Variants in JARID2 observed in about 807,000 individuals in gnomAD.
JARID2 encodes the protein protein Jumonji.
A neutral mutation model predicts 125.6 loss-of-function variants in JARID2; 21 were observed. The ratio of observed to expected loss-of-function variants is 0.17; its 90% CI spans 0.12 to 0.24. The LOEUF is 0.24. JARID2 is among the 10% of genes least tolerant of loss of function. The pLI is 1.00. For synonymous variants in JARID2, 736 were observed against 661.6 expected (o/e 1.11, Z -1.73); for missense variants, 1,303 against 1,639.6 (o/e 0.79, Z 3.55).
chr6:15,324,650 T>TG (rs920648225), intron 1 of JARID2, among the ~76,000 whole-genome samples: 1 of 149,080 alleles, frequency 6.7e-6, no homozygotes, highest in African/African-American at 2.5e-5. Flanking sequence ...CTGATTTTTG[T>TG]GTTTTTTTTT....
In JARID2 at chr6:15,496,660, G is replaced by C; in HGVS notation, c.1435G>C (p.Gly479Arg). The change falls in exon 7 of 18, where the codon GGT becomes CGT. Residue 479 changes from glycine (G) to arginine (R), a missense_variant. This residue lies in a region of JARID2 where 651 missense variants were observed against 581.6 expected (regional missense o/e 1.12). Transcript: ENST00000341776. ...GPGKKAPAER[G>R]LLNGHVKKEV... ...TGGCAAGAAGGCCCCGGCCGAGAGA[G>C]GTCTGCTGAACGGACACGTGAAGAA... 6.2e-7 allele frequency: 1 copy of C among 1,612,656 alleles called. No individual in the cohort carries two copies. The highest frequency in any genetic ancestry group is 1.1e-5 in the South Asian group (1 of 91,068).
At chr6:15,309,753 C>T (rs2127424744) in intron 1 of JARID2, among the ~76,000 whole-genome samples, 1 of 150,166 alleles carries the variant, frequency 6.7e-6, no homozygotes, top group Admixed American at 6.6e-5. Flanking sequence ...GCAACTAATC[C>T]ACACTGAGGG....
At chr6:15,303,901 C>T (rs1761718729) in intron 1 of JARID2, among the ~76,000 whole-genome samples, 2 of 152,130 alleles carry the variant, frequency 1.3e-5, no homozygotes, top group Non-Finnish European at 2.9e-5. Flanking sequence ...TTGAAACCAG[C>T]ATTAAACCCA....
chr6:15,267,679 T>C lies in JARID2; in HGVS notation c.45+21095T>C, dbSNP rs563837804. Among the ~76,000 whole-genome samples, 20 of 152,260 alleles carry C rather than the reference T, an allele frequency of 1.3e-4. No homozygotes were observed. The South Asian group carries it at 4.1e-3, about 32-fold the overall frequency. Reference sequence around the variant, plus strand: ...AGTCCGGTGTGACGCGCGAACTCAATGGTTGCGTTCCCGAGGACCTTATGG... The same window carrying C: ...AGTCCGGTGTGACGCGCGAACTCAACGGTTGCGTTCCCGAGGACCTTATGG... On this transcript the variant is annotated intron_variant, in intron 1 of 17. Transcript: ENST00000341776.
intron 1 of JARID2, among the ~76,000 whole-genome samples, chr6:15,309,976 C>T (rs1761960288): frequency 6.6e-6 from 1 of 152,130 alleles, no homozygotes; most frequent in African/African-American, 2.4e-5. Context: ...ACCTAGAAAG[C>T]TTCTTCTTCC....
chr6:15,492,347 G>A (rs990773700), intron 6 of JARID2, among the ~76,000 whole-genome samples: 1 of 152,244 alleles, frequency 6.6e-6, no homozygotes, highest in African/African-American at 2.4e-5. Context: ...GACTTCCTGT[G>A]TGTGCTCTTC....
rs367972984 is a variant in JARID2 at position 15,250,224 on chromosome 6, T to C, written c.45+3640T>C. ...TGATTTAAAAATTGGAAAAAGTTTT[T>C]GTTATAAGCTTCAAAAGGATTTACT... On this transcript the variant is annotated intron_variant, in intron 1 of 17. Transcript: ENST00000341776. 5.3e-5 allele frequency among the ~76,000 whole-genome samples: 8 copies of C among 152,362 alleles called. No individual in the cohort carries two copies. The East Asian group carries it at 1.5e-3, about 29-fold the overall frequency.
intron 1 of JARID2, among the ~76,000 whole-genome samples, chr6:15,352,800 A>C (rs1222987892): frequency 6.6e-6 from 1 of 152,182 alleles, no homozygotes; most frequent in South Asian, 2.1e-4. Flanking sequence ...TGTACAGTGG[A>C]ATAAGTTTTG....
chr6:15,266,137 C>T (rs1469608009), intron 1 of JARID2, among the ~76,000 whole-genome samples: 1 of 152,106 alleles, frequency 6.6e-6, no homozygotes, highest in African/African-American at 2.4e-5. Context: ...TTGTGTCTTC[C>T]CATTTTACCT....
intron 2 of JARID2, among the ~76,000 whole-genome samples, chr6:15,405,542 A>G (rs923060476): frequency 2.6e-5 from 4 of 152,224 alleles, no homozygotes; most frequent in Admixed American, 6.5e-5. Flanking sequence ...ACATGGTTTA[A>G]TTTAAGTTCA....
chr6:15,436,467 T>C (rs1177385821), intron 3 of JARID2, among the ~76,000 whole-genome samples: 1 of 152,168 alleles, frequency 6.6e-6, no homozygotes, highest in Non-Finnish European at 1.5e-5. Context: ...TATGTCTTGC[T>C]AGGGTCTTGG....
At chr6:15,250,250 A>G (rs537533523) in intron 1 of JARID2, among the ~76,000 whole-genome samples, 1 of 151,916 alleles carries the variant, frequency 6.6e-6, no homozygotes, top group Admixed American at 6.6e-5. Flanking sequence ...AGGATTTACT[A>G]TAATTACAAC....
Position 15,497,054 on chromosome 6 carries a change from A to G in JARID2, c.1829A>G (p.Gln610Arg). ...AACGATGAGATGCGGTTTGTCACGC[A>G]GATTCAGCACATCCACAAGCTGGGC... is the stretch of plus-strand genomic sequence containing the variant. ...KLNDEMRFVTQIQHIHKLGRR... is the reference protein window; with the variant it reads ...KLNDEMRFVTRIQHIHKLGRR... The change falls in exon 7 of 18, where the codon CAG (glutamine) becomes CGG (arginine). Residue 610 changes from glutamine to arginine, a missense_variant. Physicochemically the swap from Gln to Arg is conservative, Grantham distance 43. Transcript: ENST00000341776. 6.2e-7 allele frequency: 1 copy of G among 1,610,460 alleles called. No homozygotes were observed. The highest frequency in any genetic ancestry group is 8.5e-7 in the Non-Finnish European group (1 of 1,178,518).
At chr6:15,431,616 T>C (rs1766971336) in intron 3 of JARID2, among the ~76,000 whole-genome samples, 2 of 152,242 alleles carry the variant, frequency 1.3e-5, no homozygotes, top group South Asian at 4.1e-4. Context: ...CAGGATATAA[T>C]TTTAAATTGC....
At chr6:15,402,231 A>G (rs1271251880) in intron 2 of JARID2, among the ~76,000 whole-genome samples, 3 of 152,158 alleles carry the variant, frequency 2.0e-5, no homozygotes, top group Admixed American at 2.0e-4. Context: ...ACAAACCGAT[A>G]ACTTTATGGC....
intron 12 of JARID2, among the ~76,000 whole-genome samples, 169 bp downstream of exon 12, chr6:15,508,623 A>G (rs1327171312): frequency 1.3e-5 from 2 of 152,186 alleles, no homozygotes; most frequent in Non-Finnish European, 2.9e-5. Flanking sequence ...GCCTGGGATC[A>G]CCTACCTCTG....
At chr6:15,464,348 A>C (rs895924709) in intron 4 of JARID2, among the ~76,000 whole-genome samples, 1 of 152,162 alleles carries the variant, frequency 6.6e-6, no homozygotes, top group African/African-American at 2.4e-5. Context: ...TGTTGGCTTT[A>C]TTCTTTTGTA....
chr6:15,377,992 G>C (rs10949298), intron 2 of JARID2, among the ~76,000 whole-genome samples: 76,805 of 150,512 alleles, frequency 0.51, 19,584 homozygotes, highest in South Asian at 0.59. Flanking sequence ...TCAAGTGATT[G>C]TCCTGCCTCA....
chr6:15,418,592 T>G (rs955298840), intron 3 of JARID2, among the ~76,000 whole-genome samples: 23 of 152,256 alleles, frequency 1.5e-4, no homozygotes, highest in Admixed American at 1.5e-3. Flanking sequence ...GAGTTTCTAT[T>G]TAACTAGTAC....
Sources: gnomAD v4.1 joint callset for allele counts (sites outside exome capture counted in the v4.1 genomes callset) on GRCh38, gnomAD v4.1.1 for gene constraint, gnomAD v4.1.1 regional missense constraint, MANE v1.5 for transcripts, NCBI Gene and HGNC (gene_info 2026-07-23, HGNC 2026-07-21) for gene names.